The following MAP3K4 variants were observed in gnomAD, a reference collection of about 807,000 sequenced individuals.
MAP3K4 encodes the protein mitogen-activated protein kinase kinase kinase 4.
MAP3K4 carries 67 observed loss-of-function variants against 185.6 expected under a neutral mutation model. The ratio of observed to expected loss-of-function variants is 0.36; its 90% CI spans 0.30 to 0.44. MAP3K4 has a LOEUF of 0.44. Ranked by LOEUF, MAP3K4 falls within the 20% of genes least tolerant of loss-of-function variation. MAP3K4 has a pLI of 1.00. For missense variants in MAP3K4, 1,551 were observed against 1,995.1 expected (o/e 0.78, Z 4.24); for synonymous variants, 702 against 710.4 (o/e 0.99, Z 0.19).
rs1314700294 is a variant in MAP3K4, at chr6:161,097,802, G to A, written c.3525-476G>A. On this transcript the variant is annotated intron_variant, in intron 16 of 26. Transcript: ENST00000392142. This position sits in a 1 kb window ranked among gnomAD's most constrained non-coding sequence, Gnocchi z 4.9. ...TTTTGTTTTTTTTTTAAAGCTTTGA[G>A]GGGACCGGGGTGCGGTGACTCACGC... Among the ~76,000 whole-genome samples, 2 of 151,560 alleles carry A rather than the reference G, an allele frequency of 1.3e-5. No homozygotes were observed. Among genetic ancestry groups the A allele is most frequent in the African/African-American group, 4.8e-5 (2 of 41,278 alleles).
At chr6:161,042,302 A>T (rs1267659851) in intron 2 of MAP3K4, among the ~76,000 whole-genome samples, 1 of 152,084 alleles carries the variant, frequency 6.6e-6, no homozygotes, top group Non-Finnish European at 1.5e-5. Context: ...TATTGGGAAA[A>T]CTTTCTTAAT....
At chr6:161,016,821 C>T (rs1001146187) in intron 1 of MAP3K4, among the ~76,000 whole-genome samples, 4 of 152,182 alleles carry the variant, frequency 2.6e-5, no homozygotes, top group Non-Finnish European at 5.9e-5. Context: ...TATCTTTAAA[C>T]GCCTTGTATT....
chr6:161,089,228 C>T, intron 10 of MAP3K4, 94 bp from the exon 11 acceptor site: 1 of 1,377,152 alleles, frequency 7.3e-7, no homozygotes, highest in Admixed American at 2.0e-5. Context: ...CCTGGTATCC[C>T]TGAGATTGGC....
Position 161,063,836 on chromosome 6 carries a change from C to T in MAP3K4, c.1708-6772C>T, listed in dbSNP as rs1049191540. On this transcript the variant is annotated intron_variant, in intron 3 of 26. Coordinates refer to ENST00000392142, the MANE Select transcript of MAP3K4 (RefSeq NM_005922.4). The surrounding 1 kb of genome is among the most constrained non-coding windows in gnomAD (Gnocchi z 5.4). The stretch of plus-strand genomic sequence containing the variant: ...GCTTTTCATAGAGCACTCATCATGA[C>T]TTGGGAATTGCCTCTTTACGCCCTT... Among the ~76,000 whole-genome samples, 15 of 152,150 alleles carry T rather than the reference C, an allele frequency of 9.9e-5. No individual in the cohort carries two copies. The highest frequency in any genetic ancestry group is 1.9e-4 in the Non-Finnish European group (13 of 68,034).
chr6:160,995,942 T>G (rs929029900), intron 1 of MAP3K4, among the ~76,000 whole-genome samples: 2 of 152,212 alleles, frequency 1.3e-5, no homozygotes, highest in African/African-American at 4.8e-5. Context: ...GCTGCATAAA[T>G]TTAACAATTA....
chr6:161,062,805 A>C (rs1014658896), intron 3 of MAP3K4, among the ~76,000 whole-genome samples: 1 of 152,122 alleles, frequency 6.6e-6, no homozygotes, highest in East Asian at 1.9e-4. Context: ...CTAGTTTTAC[A>C]GTGTTGGTTT....
chr6:161,004,493 T>G (rs1781482777), intron 1 of MAP3K4, among the ~76,000 whole-genome samples: 1 of 152,230 alleles, frequency 6.6e-6, no homozygotes, highest in African/African-American at 2.4e-5. Flanking sequence ...TTCTAGCACT[T>G]CTTTTTTTAA....
At chr6:161,113,365 C>T (rs535161431) in intron 25 of MAP3K4, among the ~76,000 whole-genome samples, 121 of 152,180 alleles carry the variant, frequency 8.0e-4, no homozygotes, top group African/African-American at 2.7e-3. Context: ...TTGCCAGGGA[C>T]GTGGGGGAAC....
intron 2 of MAP3K4, among the ~76,000 whole-genome samples, chr6:161,039,197 C>T (rs1783322057): frequency 6.9e-6 from 1 of 144,842 alleles, no homozygotes; most frequent in African/African-American, 2.6e-5. Flanking sequence ...CTGCTACATG[C>T]ATTCATTGTA....
chr6:161,113,563 A>C (rs1260416145), intron 25 of MAP3K4, among the ~76,000 whole-genome samples: 1 of 152,028 alleles, frequency 6.6e-6, no homozygotes, highest in Admixed American at 6.5e-5. Context: ...ATCAGTTCTA[A>C]AAAATGGAGC....
At position 161,101,883 on chromosome 6, in the gene MAP3K4, T is replaced by C. The variant is rs760523236; in HGVS notation, c.3675-9T>C. 4 of 1,607,784 alleles carry C rather than the reference T, an allele frequency of 2.5e-6. No homozygotes were observed. On this transcript the variant is annotated splice_polypyrimidine_tract_variant and intron_variant, in intron 17 of 26. Transcript: ENST00000392142. This position sits in a 1 kb window ranked among gnomAD's most constrained non-coding sequence, Gnocchi z 5.1. Reference sequence around the variant, plus strand: ...ATTGATAGCTCAATTATTAAAAATATTAAAACAGGGGTTCCAGCGTTCCTG... The same window carrying C: ...ATTGATAGCTCAATTATTAAAAATACTAAAACAGGGGTTCCAGCGTTCCTG...
At position 161,109,506 on chromosome 6, in the gene MAP3K4, CCT is replaced by C. The variant is rs1427305708; in HGVS notation, c.4237-248_4237-247del. Among the ~76,000 whole-genome samples the C allele has an allele frequency of 2.6e-5, 4 of 152,050 alleles. No homozygotes were observed. Among genetic ancestry groups the C allele is most frequent in the Non-Finnish European group, 5.9e-5 (4 of 68,020 alleles). Reference sequence around the variant, plus strand: ...TTCAGAGGATAATAGAAATTGATCCCCTGTGATTTGGAGATGTTCTTATCCCC... The same window carrying C: ...TTCAGAGGATAATAGAAATTGATCCCGTGATTTGGAGATGTTCTTATCCCC... On this transcript the variant is annotated intron_variant, in intron 22 of 26. Transcript: ENST00000392142. The surrounding 1 kb of genome is among the most constrained non-coding windows in gnomAD (Gnocchi z 5.7).
rs562708842 is a variant in MAP3K4, at chr6:161,117,130, C to T, written c.*260C>T. The T allele has an allele frequency of 2.1e-6, 1 of 472,890 alleles. No homozygotes were observed. The allele number at this position is 472,890 out of a possible 1,614,324, so 29.3% of individuals were successfully genotyped here. On this transcript the variant is annotated 3_prime_UTR_variant, in exon 27 of 27. Coordinates refer to ENST00000392142, the MANE Select transcript of MAP3K4 (RefSeq NM_005922.4). ...TGTACACGGACCATCGCCTCTGTCT[C>T]CTCCGTGTCTCGCGCGACTGAGAAC...
chr6:161,025,374 TG>T (rs1297565533), intron 1 of MAP3K4, among the ~76,000 whole-genome samples: 1 of 152,238 alleles, frequency 6.6e-6, no homozygotes, highest in Non-Finnish European at 1.5e-5. Context: ...GAGAGATTTT[TG>T]TGCCCAGGTT....
chr6:161,092,980 G>A lies in MAP3K4; in HGVS notation c.3272G>A (p.Trp1091Ter). The A allele has an allele frequency of 6.2e-7, 1 of 1,611,236 alleles. No individual in the cohort carries two copies. Among genetic ancestry groups the A allele is most frequent in the Non-Finnish European group, 8.5e-7 (1 of 1,177,620 alleles). ...CESGRGTRPR[W>*]ATQGFDFLQA... ...TACTGAACTTTTTCGTGTACCAGGT[G>A]GGCGACTCAAGGATTTGATTTTCTA... Residue 1091 changes from tryptophan (W) to a stop codon, truncating the protein, a stop_gained and splice_region_variant, in exon 14 of 27, where the codon TGG becomes TAG. Transcript: ENST00000392142. LOFTEE classifies it high-confidence loss of function.
intron 13 of MAP3K4, 75 bp from the exon 14 acceptor site, chr6:161,092,903 C>A: frequency 1.3e-6 from 1 of 798,228 alleles, no homozygotes; most frequent in East Asian, 2.6e-5. Context: ...TGTTACTTTT[C>A]AGTATTGTAC....
rs1335746715 is a variant in MAP3K4 at position 161,008,700 on chromosome 6, A to G, written c.152+16617A>G. ...TTATAAAGTTTACCTAAGTGAAGAA[A>G]TAAAATGTGAGCAGCATCCTAGAAA... On this transcript the variant is annotated intron_variant, in intron 1 of 26. Transcript: ENST00000392142. The surrounding 1 kb of genome is among the most constrained non-coding windows in gnomAD (Gnocchi z 4.1). 6.6e-6 allele frequency among the ~76,000 whole-genome samples: 1 copy of G among 152,212 alleles called. No individual in the cohort carries two copies. Among genetic ancestry groups the G allele is most frequent in the African/African-American group, 2.4e-5 (1 of 41,466 alleles).
chr6:161,064,092 T>C lies in MAP3K4; in HGVS notation c.1708-6516T>C, dbSNP rs1442001654. On this transcript the variant is annotated intron_variant, in intron 3 of 26. Coordinates refer to ENST00000392142, the MANE Select transcript of MAP3K4 (RefSeq NM_005922.4). The surrounding 1 kb of genome is among the most constrained non-coding windows in gnomAD (Gnocchi z 4.3). ...AATTGAAACCCTGTTGCCACCACTT[T>C]TTCCCAGAATTCTTTTTTTCAGTTT... Among the ~76,000 whole-genome samples, 1 of 152,230 alleles carries C rather than the reference T, an allele frequency of 6.6e-6. No individual in the cohort carries two copies. Among genetic ancestry groups the C allele is most frequent in the Non-Finnish European group, 1.5e-5 (1 of 68,040 alleles).
Position 161,109,019 on chromosome 6 carries a change from A to G in MAP3K4, c.4236+160A>G, listed in dbSNP as rs1278991054. Reference sequence around the variant, plus strand: ...ACATCATTTCTGCCTTCTCTCTGAAACTAGAGGAGTTCCTCCTAAAATGTA... The same window carrying G: ...ACATCATTTCTGCCTTCTCTCTGAAGCTAGAGGAGTTCCTCCTAAAATGTA... On this transcript the variant is annotated intron_variant, in intron 22 of 26. Transcript: ENST00000392142. This position sits in a 1 kb window ranked among gnomAD's most constrained non-coding sequence, Gnocchi z 5.7. 6.4e-7 allele frequency: 1 copy of G among 1,570,412 alleles called. No homozygotes were observed. The highest frequency in any genetic ancestry group is 8.6e-7 in the Non-Finnish European group (1 of 1,162,092).
Sources: allele counts gnomAD v4.1 joint callset (sites outside exome capture counted in the v4.1 genomes callset), GRCh38; gene constraint gnomAD v4.1.1; non-coding constraint Gnocchi (gnomAD v3.1); transcripts MANE v1.5; gene names NCBI Gene and HGNC (gene_info 2026-07-23, HGNC 2026-07-21).